TRPV2: variants seen among roughly 807,000 people sequenced by gnomAD.
TRPV2 encodes transient receptor potential cation channel subfamily V member 2.
In TRPV2, 58 loss-of-function variants were observed where a neutral mutation model predicts 91.0. The ratio of observed to expected loss-of-function variants is 0.64; its 90% confidence interval spans 0.52 to 0.79. TRPV2 has a LOEUF of 0.79. Ranked by LOEUF, TRPV2 falls within the 30% of genes least tolerant of loss-of-function variation. The probability of loss-of-function intolerance (pLI) is 0.00; values close to 1 mark genes in which losing one functional copy is unlikely to be tolerated. For missense variants in TRPV2, 807 were observed against 969.6 expected, an observed-to-expected ratio of 0.83 and a Z score of 2.23; for synonymous variants, 417 against 414.8, an observed-to-expected ratio of 1.01 and a Z score of -0.06.
intron 5 of TRPV2, among the ~76,000 whole-genome samples, chr17:16,425,442 T>G (rs924294796): frequency 1.3e-5 from 2 of 152,230 alleles, no homozygotes; most frequent in African/African-American, 4.8e-5. Context: ...CTGTTCCAAA[T>G]AGCTTTTGCC....
chr17:16,428,514 C>T, intron 9 of TRPV2, 127 bp downstream of exon 9: 5 of 1,021,262 alleles, frequency 4.9e-6, no homozygotes, highest in East Asian at 2.4e-5. Flanking sequence ...GATCTGTGTA[C>T]AGGCCAGTCC....
At chr17:16,420,768 A>ACTTT (rs1321020080) in intron 3 of TRPV2, among the ~76,000 whole-genome samples, 2 of 152,164 alleles carry the variant, frequency 1.3e-5, no homozygotes, top group East Asian at 3.9e-4. Context: ...ATCTGTTCAG[A>ACTTT]CTTTCTTTCT....
At chr17:16,423,961 A>T (rs976965329) in intron 5 of TRPV2, among the ~76,000 whole-genome samples, 194 bp downstream of exon 5, 2 of 152,216 alleles carry the variant, frequency 1.3e-5, no homozygotes, top group African/African-American at 2.4e-5. Context: ...TTGCATATGA[A>T]CTACTGAATA....
In TRPV2 at chr17:16,415,849, A is replaced by G. The variant is rs947816041; in HGVS notation, c.-108+16A>G. On this transcript the variant is annotated intron_variant, in intron 1 of 14. Coordinates refer to ENST00000338560, the MANE Select transcript of TRPV2 (RefSeq NM_016113.5). This position sits in a 1 kb window ranked among gnomAD's most constrained non-coding sequence, Gnocchi z 4.5. ...AGCCTGCGGGGTAAGTCGGTGGGCA[A>G]TGCTGGGGACGTTGGAGGGGGCCGG... 1.3e-5 allele frequency: 2 copies of G among 152,298 alleles called. No individual in the cohort carries two copies. Among genetic ancestry groups the G allele is most frequent in the African/African-American group, 4.8e-5 (2 of 41,428 alleles). The allele number at this position is 152,298 out of a possible 1,614,324, so 9.4% of individuals were successfully genotyped here.
chr17:16,422,217 G>A (rs1347712445), intron 3 of TRPV2, among the ~76,000 whole-genome samples: 4 of 151,844 alleles, frequency 2.6e-5, no homozygotes, highest in African/African-American at 7.3e-5. Context: ...CAGCTGCTGG[G>A]GAGGCTGAGG....
intron 1 of TRPV2, among the ~76,000 whole-genome samples, chr17:16,417,108 G>A (rs2093334412): frequency 6.6e-6 from 1 of 151,972 alleles, no homozygotes; most frequent in African/African-American, 2.4e-5. Context: ...CACCCCACAG[G>A]CCTCCCTCCC....
chr17:16,422,074 G>C (rs911955278), intron 3 of TRPV2, among the ~76,000 whole-genome samples: 1 of 151,782 alleles, frequency 6.6e-6, no homozygotes, highest in Non-Finnish European at 1.5e-5. Flanking sequence ...GGAGGCCGAG[G>C]TGGGCAGATC....
chr17:16,431,279 ATATATATACATATT>A (rs1183807218), intron 10 of TRPV2, among the ~76,000 whole-genome samples: 8 of 74,992 alleles, frequency 1.1e-4, no homozygotes, highest in African/African-American at 4.5e-4. Context: ...ATATATATAT[ATATATATACATATT>A]TTTTTTTTTT....
At chr17:16,422,165 C>CA (rs528336149) in intron 3 of TRPV2, among the ~76,000 whole-genome samples, 4 of 150,824 alleles carry the variant, frequency 2.7e-5, no homozygotes, top group South Asian at 2.1e-4. Context: ...AACAAAACAA[C>CA]AAAAAAAATT....
Position 16,417,840 on chromosome 17 carries a change from C to A in TRPV2, c.172C>A (p.Leu58Ile). ...RKFAPQIRVNLNYRKGTGASQ... is the reference protein window; with the variant it reads ...RKFAPQIRVNINYRKGTGASQ... ...ATTCGCCCCTCAGATAAGAGTCAAC[C>A]TCAACTACCGAAAGGGAACAGGTGC... Residue 58 changes from leucine to isoleucine, a missense_variant, in exon 2 of 15, where the codon CTC (leucine) becomes ATC (isoleucine). By Grantham distance (5) the Leu-to-Ile change is conservative. Coordinates refer to ENST00000338560, the MANE Select transcript of TRPV2 (RefSeq NM_016113.5). 1 of 1,614,138 alleles carries A rather than the reference C, an allele frequency of 6.2e-7. No homozygotes were observed. The highest frequency in any genetic ancestry group is 1.1e-5 in the South Asian group (1 of 91,078).
intron 10 of TRPV2, among the ~76,000 whole-genome samples, 154 bp downstream of exon 10, chr17:16,429,136 T>G (rs1026638300): frequency 1.1e-4 from 17 of 152,326 alleles, no homozygotes; most frequent in Non-Finnish European, 2.1e-4. Context: ...AGTACAGGCC[T>G]GCACATACCT....
chr17:16,433,776 A>G, intron 13 of TRPV2, 78 bp downstream of exon 13: 1 of 1,556,424 alleles, frequency 6.4e-7, no homozygotes, highest in Non-Finnish European at 8.7e-7. Flanking sequence ...TGCAGGGCAC[A>G]GCTGCCAGGA....
At chr17:16,431,759 T>C (rs201958138) in intron 10 of TRPV2, 25 bp from the exon 11 acceptor site, 506 of 1,613,224 alleles carry the variant, frequency 3.1e-4, no homozygotes, top group Non-Finnish European at 4.2e-4. Context: ...CTACCCACCC[T>C]GGCCCCTGGG....
rs768422719 is a variant in TRPV2 at position 16,427,526 on chromosome 17, G to A, written c.1329G>A (p.Gly443=). 2 of 1,612,448 alleles carry A rather than the reference G, an allele frequency of 1.2e-6. No individual in the cohort carries two copies. Among genetic ancestry groups the A allele is most frequent in the Admixed American group, 1.7e-5 (1 of 59,904 alleles). Residue 443 remains glycine (G), a synonymous_variant, in exon 8 of 15, where the codon GGG becomes GGA. Transcript: ENST00000338560. The part of the protein sequence containing the change: ...LTGHILILLG[G]IYLLVGQLWY... ...GCCACATCCTTATCCTGCTAGGGGG[G>A]ATCTACCTCCTCGTGGGCCAGGTGA...
intron 3 of TRPV2, among the ~76,000 whole-genome samples, chr17:16,422,165 C>G (rs1444577426): frequency 6.6e-6 from 1 of 150,824 alleles, no homozygotes; most frequent in Non-Finnish European, 1.5e-5. Context: ...AACAAAACAA[C>G]AAAAAAAATT....
At position 16,426,257 on chromosome 17, in the gene TRPV2, T is replaced by C; in HGVS notation, c.1083T>C (p.His361=). ...ENSVLEIIAF[H]CKSPHRHRMV... is the part of the protein sequence containing the mutation. ...CAGTGCTGGAGATCATTGCCTTTCA[T>C]TGCAAGAGCCCGGTGAGCCCACAGG... Residue 361 remains histidine, a synonymous_variant, in exon 6 of 15, where the codon CAT becomes CAC. Transcript: ENST00000338560. This position sits in a 1 kb window ranked among gnomAD's most constrained non-coding sequence, Gnocchi z 6.0. 1 of 1,614,140 alleles carries C rather than the reference T, an allele frequency of 6.2e-7. No homozygotes were observed. Among genetic ancestry groups the C allele is most frequent in the Non-Finnish European group, 8.5e-7 (1 of 1,180,020 alleles).
chr17:16,434,697 C>A, intron 13 of TRPV2, 193 bp from the exon 14 acceptor site: 1 of 528,678 alleles, frequency 1.9e-6, no homozygotes, highest in South Asian at 2.7e-5. Flanking sequence ...CAAGTGAGCA[C>A]CTGCCTCACA....
chr17:16,436,099 G>A (rs149828115), intron 14 of TRPV2, among the ~76,000 whole-genome samples: 3 of 151,372 alleles, frequency 2.0e-5, no homozygotes, highest in East Asian at 2.0e-4. Flanking sequence ...TATTCCCCCC[G>A]CTATACCAGC....
At chr17:16,423,904 GAAAATTTTCAGT>G in intron 5 of TRPV2, 137 bp downstream of exon 5, 2 of 778,848 alleles carry the variant, frequency 2.6e-6, no homozygotes, top group Non-Finnish European at 3.8e-6. Context: ...CTGTTAGTAA[GAAAATTTTCAGT>G]ATGTACCTCT....
Sources: gnomAD v4.1 joint callset for allele counts (sites outside exome capture counted in the v4.1 genomes callset) on GRCh38, gnomAD v4.1.1 for gene constraint, Gnocchi (gnomAD v3.1) non-coding constraint, MANE v1.5 for transcripts, NCBI Gene and HGNC (gene_info 2026-07-23, HGNC 2026-07-21) for gene names.